Variants in KLRF1 observed in about 807,000 individuals in gnomAD.
KLRF1 encodes the protein killer cell lectin like receptor F1, also known as killer cell lectin-like receptor subfamily F member 1.
In KLRF1, 27 loss-of-function variants were observed where a neutral mutation model predicts 30.7. The observed-to-expected ratio is 0.88, with a 90% CI of 0.65 to 1.21. KLRF1 has a LOEUF of 1.21. Among genes scored for constraint, KLRF1 ranks in the 50% most tolerant of loss-of-function variants. The probability of loss-of-function intolerance (pLI) is 0.00; values close to 1 mark genes in which losing one functional copy is unlikely to be tolerated. For missense variants in KLRF1, 246 were observed against 259.3 expected (o/e 0.95, Z 0.35); for synonymous variants, 92 against 89.3 (o/e 1.03, Z -0.17).
Position 9,842,060 on chromosome 12 carries a change from T to C in KLRF1, c.474+109T>C, listed in dbSNP as rs1867715354. On this transcript the variant is annotated intron_variant, in intron 4 of 5. Transcript: ENST00000617889. ...CATCATTTACCTTGATTATCGAGTT[T>C]TGGGCACCCTCTTAAATTTTGTATT... 4.0e-6 allele frequency: 5 copies of C among 1,251,558 alleles called. No homozygotes were observed. The South Asian group carries it at 5.9e-5, about 15-fold the overall frequency. The allele number at this position is 1,251,558 out of a possible 1,614,324, so 77.5% of individuals were successfully genotyped here.
At chr12:9,832,269 C>A in intron 1 of KLRF1, 47 bp from the exon 2 acceptor site, 1 of 1,047,008 alleles carries the variant, frequency 9.6e-7, no homozygotes, top group Non-Finnish European at 1.5e-6. Flanking sequence ...TGTATTACTT[C>A]CTGGAAGCAT....
chr12:9,827,143 TAGGG>T (rs57009554), upstream of KLRF1, among the ~76,000 whole-genome samples: 1 of 152,314 alleles, frequency 6.6e-6, no homozygotes, highest in African/African-American at 2.4e-5. Flanking sequence ...ATCAATATGT[TAGGG>T]AGGCTAATTC....
chr12:9,827,544 G>T lies in KLRF1; in HGVS notation c.-1G>T. 2.5e-6 allele frequency: 4 copies of T among 1,585,740 alleles called. No homozygotes were observed. The highest frequency in any genetic ancestry group is 3.5e-6 in the Non-Finnish European group (4 of 1,156,868). On this transcript the variant is annotated 5_prime_UTR_variant, in exon 1 of 6. Transcript: ENST00000617889. The stretch of plus-strand genomic sequence containing the variant: ...TACACACACATTCACTCACATTGAA[G>T]ATGCAAGATGAAGAAAGATACATGA...
chr12:9,836,470 A>G (rs1263772169), intron 3 of KLRF1, among the ~76,000 whole-genome samples: 1 of 152,098 alleles, frequency 6.6e-6, no homozygotes, highest in Non-Finnish European at 1.5e-5. Context: ...CTTTGCTGGC[A>G]GGGGACCCTC....
chr12:9,817,658 T>C, the KLRF1 span: 1 of 265,680 alleles, frequency 3.8e-6, no homozygotes, highest in Non-Finnish European at 7.8e-6. Flanking sequence ...CAGATACATT[T>C]TTGGTCTTTG....
the KLRF1 span, among the ~76,000 whole-genome samples, chr12:9,820,374 C>A: frequency 1.3e-5 from 2 of 152,240 alleles, no homozygotes; most frequent in African/African-American, 4.8e-5. Flanking sequence ...TCCCGTATCT[C>A]CTCGCTGGGC....
intron 3 of KLRF1, among the ~76,000 whole-genome samples, chr12:9,837,742 A>C (rs1029792242): frequency 2.6e-5 from 4 of 152,282 alleles, no homozygotes; most frequent in Non-Finnish European, 5.9e-5. Context: ...CAGATATCTA[A>C]GTCTTCTTTA....
chr12:9,811,335 A>AAAAAGAG, the KLRF1 span, among the ~76,000 whole-genome samples: 1 of 146,428 alleles, frequency 6.8e-6, no homozygotes, highest in African/African-American at 2.5e-5. Context: ...AAAAAAAAAA[A>AAAAAGAG]AGAGAGAAAA....
At chr12:9,822,818 A>C (rs1867242403), upstream of KLRF1, among the ~76,000 whole-genome samples, 1 of 152,202 alleles carries the variant, frequency 6.6e-6, no homozygotes, top group Admixed American at 6.5e-5. Context: ...CAGGGTTTGC[A>C]ATCCTAATTT....
At chr12:9,834,890 C>T (rs1203522429) in intron 3 of KLRF1, among the ~76,000 whole-genome samples, 1 of 151,910 alleles carries the variant, frequency 6.6e-6, no homozygotes, top group Admixed American at 6.6e-5. Context: ...AAGTCAAGGC[C>T]TCGGTGGTTT....
the KLRF1 span, among the ~76,000 whole-genome samples, chr12:9,802,564 A>G: frequency 6.6e-6 from 1 of 152,118 alleles, no homozygotes; most frequent in Non-Finnish European, 1.5e-5. Flanking sequence ...TTTGCAGACA[A>G]CATGATTCTA....
chr12:9,806,922 A>G, the KLRF1 span, among the ~76,000 whole-genome samples: 1 of 151,884 alleles, frequency 6.6e-6, no homozygotes, highest in Non-Finnish European at 1.5e-5. Context: ...ACCTCAAATG[A>G]CCCTTCTGCC....
upstream of KLRF1, among the ~76,000 whole-genome samples, chr12:9,825,836 A>G (rs370443354): frequency 1.8e-3 from 268 of 152,284 alleles, 7 homozygotes; most frequent in South Asian, 0.052. Context: ...AAAAATAAAC[A>G]ACCCCATTAA....
chr12:9,833,460 T>C lies in KLRF1; in HGVS notation c.334+8T>C. The C allele has an allele frequency of 6.3e-7, 1 of 1,589,302 alleles. No homozygotes were observed. The highest frequency in any genetic ancestry group is 1.4e-5 in the African/African-American group (1 of 73,388). ...GATCTGCAGACCAGACAGGTATGTC[T>C]CAAGGCTTTGGCTTATCCTAGTTTT... is the stretch of plus-strand genomic sequence containing the variant. On this transcript the variant is annotated splice_region_variant and intron_variant, in intron 3 of 5. Coordinates refer to ENST00000617889, the MANE Select transcript of KLRF1 (RefSeq NM_016523.3).
the KLRF1 span, among the ~76,000 whole-genome samples, chr12:9,821,850 T>C: frequency 6.6e-6 from 1 of 152,306 alleles, no homozygotes; most frequent in East Asian, 1.9e-4. Flanking sequence ...AACTGAACAC[T>C]CTGCCTAAGC....
At chr12:9,802,347 A>T in the KLRF1 span, among the ~76,000 whole-genome samples, 1 of 152,052 alleles carries the variant, frequency 6.6e-6, no homozygotes, top group Non-Finnish European at 1.5e-5. Context: ...CAAAATAATA[A>T]GAGTTATTTA....
Position 9,833,901 on chromosome 12 carries a change from C to CTTTTTTTTTTTTTTTTTTTTTTT in KLRF1, c.334+452_334+474dup, listed in dbSNP as rs35443913. 2.3e-4 allele frequency among the ~76,000 whole-genome samples: 19 copies of CTTTTTTTTTTTTTTTTTTTTTTT among 82,400 alleles called. 1 individual carries two copies. The highest frequency in any genetic ancestry group is 3.0e-4 in the Non-Finnish European group (13 of 44,022). The allele number at this position is 82,400 out of a possible 152,430, so 54.1% of individuals were successfully genotyped here. On this transcript the variant is annotated intron_variant, in intron 3 of 5. Coordinates refer to ENST00000617889, the MANE Select transcript of KLRF1 (RefSeq NM_016523.3). The stretch of plus-strand genomic sequence containing the variant: ...TTACCTTCTATTTTTAAATGTTTAA[C>CTTTTTTTTTTTTTTTTTTTTTTT]TTTTTTTTTTTTTTTTTTTTTTTTT...
At chr12:9,843,581 G>C (rs988037160) in intron 5 of KLRF1, among the ~76,000 whole-genome samples, 1 of 152,120 alleles carries the variant, frequency 6.6e-6, no homozygotes, top group Non-Finnish European at 1.5e-5. Flanking sequence ...TCTGAGAGCA[G>C]AGTTGTGTCA....
At chr12:9,809,051 T>G in the KLRF1 span, among the ~76,000 whole-genome samples, 1 of 152,310 alleles carries the variant, frequency 6.6e-6, no homozygotes, top group South Asian at 2.1e-4. Flanking sequence ...CTTGGATATC[T>G]AATACACTGA....
Sources: gnomAD v4.1 joint callset for allele counts (sites outside exome capture counted in the v4.1 genomes callset) on GRCh38, gnomAD v4.1.1 for gene constraint, MANE v1.5 for transcripts, NCBI Gene and HGNC (gene_info 2026-07-23, HGNC 2026-07-21) for gene names.